The following HNF4G variants were observed in gnomAD, a reference collection of about 807,000 sequenced individuals.
HNF4G encodes the protein hepatocyte nuclear factor 4 gamma, also known as hepatocyte nuclear factor 4-gamma.
HNF4G carries 21 observed loss-of-function variants against 50.9 expected under a neutral mutation model. The ratio of observed to expected loss-of-function variants is 0.41; its 90% confidence interval spans 0.29 to 0.59. The LOEUF is 0.59. HNF4G is among the 20% of genes least tolerant of loss of function. The probability of loss-of-function intolerance (pLI) is 0.26; values close to 1 mark genes in which losing one functional copy is unlikely to be tolerated. For missense variants in HNF4G, 527 were observed against 559.4 expected (o/e 0.94, Z 0.58); for synonymous variants, 198 against 185.6 (o/e 1.07, Z -0.54).
At chr8:75,515,673 A>G (rs557653090) in intron 2 of HNF4G, among the ~76,000 whole-genome samples, 6 of 152,312 alleles carry the variant, frequency 3.9e-5, no homozygotes, top group African/African-American at 1.4e-4. Flanking sequence ...CCTGGCTCAA[A>G]CACAGAGAAT....
chr8:75,469,669 G>A (rs189417772), intron 1 of HNF4G, among the ~76,000 whole-genome samples: 376 of 152,182 alleles, frequency 2.5e-3, no homozygotes, highest in Admixed American at 3.5e-3. Context: ...TCCTCAACAG[G>A]CACCCATAAT....
intron 2 of HNF4G, among the ~76,000 whole-genome samples, chr8:75,494,743 T>C (rs1166457175): frequency 1.3e-5 from 2 of 152,042 alleles, no homozygotes; most frequent in African/African-American, 4.8e-5. Flanking sequence ...AACTTTTAGA[T>C]AATACTAGTA....
At chr8:75,450,641 G>A (rs1400461410) in intron 1 of HNF4G, among the ~76,000 whole-genome samples, 1 of 152,180 alleles carries the variant, frequency 6.6e-6, no homozygotes, top group Non-Finnish European at 1.5e-5. Context: ...ACTGACAAGT[G>A]TAAGGGGATA....
At chr8:75,541,254 C>A (rs921903481) in intron 1 of HNF4G, among the ~76,000 whole-genome samples, 1 of 151,964 alleles carries the variant, frequency 6.6e-6, no homozygotes, top group Non-Finnish European at 1.5e-5. Context: ...ACTGAAATAA[C>A]GATTTTGTAT....
chr8:75,453,683 A>G (rs78688654), intron 1 of HNF4G, among the ~76,000 whole-genome samples: 9,733 of 152,246 alleles, frequency 0.064, 348 homozygotes, highest in Non-Finnish European at 0.066. Context: ...GAAGTCAGTC[A>G]GACCACAAAC....
At chr8:75,504,953 G>C (rs539865202) in intron 2 of HNF4G, among the ~76,000 whole-genome samples, 12 of 152,230 alleles carry the variant, frequency 7.9e-5, no homozygotes, top group African/African-American at 2.6e-4. Flanking sequence ...AGAGAGGAAA[G>C]ATGAGTGAAT....
At chr8:75,536,076 C>CTAGA (rs1282116705), upstream of HNF4G, among the ~76,000 whole-genome samples, 1 of 151,856 alleles carries the variant, frequency 6.6e-6, no homozygotes, top group African/African-American at 2.4e-5. Context: ...TTTGACCTAA[C>CTAGA]TAGAGCTAAG....
intron 6 of HNF4G, among the ~76,000 whole-genome samples, chr8:75,558,189 C>T (rs920838262): frequency 2.0e-5 from 3 of 152,104 alleles, no homozygotes; most frequent in Non-Finnish European, 2.9e-5. Flanking sequence ...GTGAATAAAA[C>T]GCTAATAGAT....
At chr8:75,544,153 G>A (rs534291641) in intron 2 of HNF4G, among the ~76,000 whole-genome samples, 174 bp downstream of exon 2, 4 of 152,234 alleles carry the variant, frequency 2.6e-5, no homozygotes, top group Admixed American at 1.3e-4. Context: ...TATTCACATA[G>A]GTGTTCTTTT....
intron 1 of HNF4G, among the ~76,000 whole-genome samples, chr8:75,427,778 A>T (rs1296333686): frequency 6.6e-6 from 1 of 152,062 alleles, no homozygotes; most frequent in Non-Finnish European, 1.5e-5. Context: ...AATAAACAGA[A>T]TTTATATACT....
chr8:75,481,510 T>C (rs1812378023), intron 1 of HNF4G, among the ~76,000 whole-genome samples: 6 of 152,322 alleles, frequency 3.9e-5, no homozygotes, highest in Admixed American at 6.5e-5. Flanking sequence ...TTTGAGCACT[T>C]ACCTGTTCTT....
At chr8:75,443,538 C>T (rs367995392) in intron 1 of HNF4G, among the ~76,000 whole-genome samples, 11 of 152,048 alleles carry the variant, frequency 7.2e-5, no homozygotes, top group African/African-American at 2.4e-4. Context: ...ACTTTGTTTT[C>T]ATTTTGAGAT....
intron 1 of HNF4G, among the ~76,000 whole-genome samples, chr8:75,451,603 C>T (rs886223818): frequency 6.6e-6 from 1 of 152,128 alleles, no homozygotes; most frequent in South Asian, 2.1e-4. Context: ...AGAGACTGCC[C>T]TTTTCCCATT....
At chr8:75,462,747 TCATCATTTA>T (rs1275195083) in intron 1 of HNF4G, among the ~76,000 whole-genome samples, 3 of 152,178 alleles carry the variant, frequency 2.0e-5, no homozygotes, top group Non-Finnish European at 4.4e-5. Context: ...AATTCTGGCT[TCATCATTTA>T]CTAACTGTAT....
chr8:75,449,014 G>C (rs1396616938), intron 1 of HNF4G, among the ~76,000 whole-genome samples: 1 of 152,080 alleles, frequency 6.6e-6, no homozygotes, highest in Non-Finnish European at 1.5e-5. Context: ...AGATTTGGGG[G>C]GGTATAGCAG....
At chr8:75,468,836 G>A (rs1812050838) in intron 1 of HNF4G, among the ~76,000 whole-genome samples, 1 of 151,700 alleles carries the variant, frequency 6.6e-6, no homozygotes, top group African/African-American at 2.4e-5. Context: ...CATCTAGAAA[G>A]CAAGTTAAGA....
chr8:75,458,166 G>A (rs1191218205), intron 1 of HNF4G, among the ~76,000 whole-genome samples: 1 of 151,932 alleles, frequency 6.6e-6, no homozygotes, highest in African/African-American at 2.4e-5. Flanking sequence ...GTACATTTAG[G>A]AGGTAATAAT....
intron 1 of HNF4G, among the ~76,000 whole-genome samples, chr8:75,410,944 G>C (rs1224858791): frequency 6.6e-6 from 1 of 152,122 alleles, no homozygotes; most frequent in South Asian, 2.1e-4. Flanking sequence ...ATATAGATCA[G>C]GTAATTCTTA....
intron 1 of HNF4G, chr8:75,485,793 G>T (rs1242409776): frequency 6.6e-6 from 1 of 152,082 alleles, no homozygotes; most frequent in Admixed American, 6.6e-5. Context: ...AGTGATTGCT[G>T]CCTTGACCGT....
Sources: gnomAD v4.1 joint callset for allele counts (sites outside exome capture counted in the v4.1 genomes callset) on GRCh38, gnomAD v4.1.1 for gene constraint, MANE v1.5 for transcripts, NCBI Gene and HGNC (gene_info 2026-07-23, HGNC 2026-07-21) for gene names.